Variants in RIMS1 observed in about 807,000 individuals in gnomAD.
RIMS1 encodes the protein regulating synaptic membrane exocytosis protein 1.
RIMS1 carries 83 observed loss-of-function variants against 214.1 expected under a neutral mutation model. That is an observed-to-expected ratio of 0.39 (90% CI 0.32 to 0.47). The LOEUF is 0.47. Among genes scored for constraint, RIMS1 ranks in the 20% least tolerant of loss-of-function variants. RIMS1 has a pLI of 0.99. For synonymous variants in RIMS1, 793 were observed against 786.8 expected (o/e 1.01, Z -0.13); for missense variants, 2,050 against 2,161.8 (o/e 0.95, Z 1.03).
At chr6:72,156,065 C>A (rs886823039) in intron 4 of RIMS1, 1 of 362,982 alleles carries the variant, frequency 2.8e-6, no homozygotes, top group Admixed American at 3.1e-5. Context: ...TATGGAGTTC[C>A]CTCAGAAAAT....
intron 1 of RIMS1, among the ~76,000 whole-genome samples, chr6:71,955,780 G>C (rs1242870831): frequency 1.3e-5 from 2 of 151,974 alleles, no homozygotes; most frequent in Non-Finnish European, 2.9e-5. Flanking sequence ...ATAAAGTTTA[G>C]TATTTAAATT....
At chr6:72,264,108 T>A in intron 19 of RIMS1, 1 of 715,586 alleles carries the variant, frequency 1.4e-6, no homozygotes, top group Non-Finnish European at 1.7e-6. Context: ...AGGTGTTTGA[T>A]GTTTAGGAAG....
intron 6 of RIMS1, among the ~76,000 whole-genome samples, chr6:72,205,090 G>C (rs193241503): frequency 2.2e-4 from 34 of 152,022 alleles, no homozygotes; most frequent in African/African-American, 6.3e-4. Flanking sequence ...TGTGTTCTCA[G>C]GATTCTGTTT....
chr6:72,084,854 T>C (rs564260777), intron 2 of RIMS1, among the ~76,000 whole-genome samples: 1 of 152,282 alleles, frequency 6.6e-6, no homozygotes, highest in Non-Finnish European at 1.5e-5. Context: ...AACTTCATTT[T>C]TAACAATGCT....
intron 2 of RIMS1, among the ~76,000 whole-genome samples, chr6:72,015,480 T>G (rs1411483811): frequency 6.6e-6 from 1 of 152,196 alleles, no homozygotes; most frequent in Non-Finnish European, 1.5e-5. Flanking sequence ...CAAATAGGAA[T>G]AGTATTCTTT....
intron 29 of RIMS1, among the ~76,000 whole-genome samples, chr6:72,350,149 T>C (rs1370870820): frequency 1.3e-5 from 2 of 152,112 alleles, no homozygotes; most frequent in African/African-American, 2.4e-5. Context: ...GGAAAAATAT[T>C]TAATAAATCA....
At chr6:72,231,819 C>T (rs1158269200) in intron 6 of RIMS1, among the ~76,000 whole-genome samples, 1 of 151,466 alleles carries the variant, frequency 6.6e-6, no homozygotes, top group Non-Finnish European at 1.5e-5. Flanking sequence ...CGAATATTCA[C>T]GAATATATGT....
rs563730807 is a variant in RIMS1, at chr6:71,995,098, C to T, written c.245+26035C>T. Among the ~76,000 whole-genome samples the T allele has an allele frequency of 4.6e-5, 7 of 151,056 alleles. No individual in the cohort carries two copies. In the South Asian group the frequency reaches 1.3e-3, roughly 27 times the overall value. ...CACTCTTTCTATCATGAAGGGTGAGCCATGTTTCTCTGGGAAGAAAAGACA... is the reference window on the plus strand; with the variant it reads ...CACTCTTTCTATCATGAAGGGTGAGTCATGTTTCTCTGGGAAGAAAAGACA... On this transcript the variant is annotated intron_variant, in intron 2 of 33. Coordinates refer to ENST00000521978, the MANE Select transcript of RIMS1 (RefSeq NM_014989.7).
intron 2 of RIMS1, among the ~76,000 whole-genome samples, chr6:72,042,784 G>T (rs1270256172): frequency 6.6e-6 from 1 of 151,662 alleles, no homozygotes; most frequent in East Asian, 1.9e-4. Flanking sequence ...CATTATAAAT[G>T]CTTTTAATAT....
intron 2 of RIMS1, among the ~76,000 whole-genome samples, chr6:72,027,237 C>T (rs866646907): frequency 7.9e-5 from 12 of 152,070 alleles, no homozygotes; most frequent in South Asian, 2.1e-4. Context: ...TAGATGAACC[C>T]GGAACCTGAG....
chr6:72,043,269 T>C (rs1177387740), intron 2 of RIMS1, among the ~76,000 whole-genome samples: 1 of 151,834 alleles, frequency 6.6e-6, no homozygotes, highest in Non-Finnish European at 1.5e-5. Flanking sequence ...ACTATCATTC[T>C]TATGAAATAG....
chr6:72,397,285 C>T (rs1487130098), intron 31 of RIMS1, among the ~76,000 whole-genome samples: 1 of 152,132 alleles, frequency 6.6e-6, no homozygotes, highest in Non-Finnish European at 1.5e-5. Context: ...AAGGAAGGGA[C>T]TCATTCTAGT....
chr6:72,148,429 C>T (rs533275148), intron 4 of RIMS1, among the ~76,000 whole-genome samples: 6 of 152,148 alleles, frequency 3.9e-5, no homozygotes, highest in South Asian at 2.1e-4. Flanking sequence ...CTTATATCCT[C>T]GAGTCCTGGT....
chr6:71,898,745 T>A (rs1284373903), intron 1 of RIMS1, among the ~76,000 whole-genome samples: 1 of 152,136 alleles, frequency 6.6e-6, no homozygotes, highest in Non-Finnish European at 1.5e-5. Flanking sequence ...CACTGAGGAT[T>A]TATTTTTACT....
At chr6:72,194,971 AAC>A (rs2050634934) in intron 6 of RIMS1, among the ~76,000 whole-genome samples, 1 of 152,176 alleles carries the variant, frequency 6.6e-6, no homozygotes, top group African/African-American at 2.4e-5. Context: ...CTTATAAAAT[AAC>A]AGTTAAAGTT....
rs181447722 is a variant in RIMS1, at chr6:72,195,797, T to C, written c.1678+12648T>C. 2.6e-4 allele frequency among the ~76,000 whole-genome samples: 39 copies of C among 152,176 alleles called. No individual in the cohort carries two copies. The East Asian group carries it at 7.1e-3, about 28-fold the overall frequency. ...TAAAGAACTGCCTAAGACTGAGTAA[T>C]TTATAAAGAGGTTTAGTTGACTCAT... On this transcript the variant is annotated intron_variant, in intron 6 of 33. Transcript: ENST00000521978.
chr6:72,396,172 T>C (rs896115570), intron 31 of RIMS1, among the ~76,000 whole-genome samples: 12 of 152,050 alleles, frequency 7.9e-5, no homozygotes, highest in African/African-American at 2.7e-4. Flanking sequence ...CCATCTTAAG[T>C]ATCCAAAAAA....
chr6:72,386,731 C>CTTTTTT (rs35080577), intron 29 of RIMS1, among the ~76,000 whole-genome samples: 7 of 109,864 alleles, frequency 6.4e-5, no homozygotes, highest in African/African-American at 1.3e-4. Context: ...CACTGTCTTT[C>CTTTTTT]TTTTTTTTTT....
intron 2 of RIMS1, among the ~76,000 whole-genome samples, chr6:72,091,573 CTTTG>C (rs1386562847): frequency 6.6e-6 from 1 of 152,066 alleles, no homozygotes; most frequent in East Asian, 1.9e-4. Context: ...AGGCATTCAT[CTTTG>C]TTTCTTTTGA....
Sources: gnomAD v4.1 joint callset for allele counts (sites outside exome capture counted in the v4.1 genomes callset) on GRCh38, gnomAD v4.1.1 for gene constraint, MANE v1.5 for transcripts, NCBI Gene and HGNC (gene_info 2026-07-23, HGNC 2026-07-21) for gene names.